COG5: variants seen among roughly 807,000 people sequenced by gnomAD.
COG5 encodes the protein conserved oligomeric Golgi complex subunit 5.
In COG5, 86 loss-of-function variants were observed where a neutral mutation model predicts 110.4. That is an observed-to-expected ratio of 0.78 (90% CI 0.65 to 0.93). The LOEUF (loss-of-function observed/expected upper bound fraction) is 0.93, where lower values mean the gene tolerates loss of function less well. COG5 is among the 40% of genes least tolerant of loss of function. The pLI is 0.00. For synonymous variants in COG5, 360 were observed against 334.6 expected, an observed-to-expected ratio of 1.08 and a Z score of -0.83; for missense variants, 1,077 against 987.0, an observed-to-expected ratio of 1.09 and a Z score of -1.22.
In COG5 at chr7:107,473,628, T is replaced by C. The variant is rs1796781682; in HGVS notation, c.538+53609A>G. On this transcript the variant is annotated intron_variant, in intron 6 of 21. Transcript: ENST00000297135. ...CACCTACACTCATTATGCTAGAGCA[T>C]ATTAAAATAGCATTCATTTGGTACC... Among the ~76,000 whole-genome samples the C allele has an allele frequency of 2.0e-5, 3 of 152,006 alleles. No individual in the cohort carries two copies. The South Asian group carries it at 6.2e-4, about 31-fold the overall frequency.
At chr7:107,323,392 G>A (rs2129026818) in intron 11 of COG5, among the ~76,000 whole-genome samples, 1 of 152,216 alleles carries the variant, frequency 6.6e-6, no homozygotes, top group African/African-American at 2.4e-5. Context: ...TTAGCCAGGA[G>A]TGGTGGTACA....
chr7:107,209,689 G>A, intron 21 of COG5: 1 of 417,932 alleles, frequency 2.4e-6, no homozygotes, highest in Non-Finnish European at 3.2e-6. Flanking sequence ...GTGGTGTAAT[G>A]CAAGCTCTGA....
chr7:107,239,603 T>C (rs181405772), intron 17 of COG5, among the ~76,000 whole-genome samples: 1 of 152,302 alleles, frequency 6.6e-6, no homozygotes, highest in East Asian at 1.9e-4. Flanking sequence ...TTTCCATTTA[T>C]TTGTGTTTTT....
chr7:107,254,174 A>C (rs1802717695), intron 16 of COG5, among the ~76,000 whole-genome samples: 1 of 152,166 alleles, frequency 6.6e-6, no homozygotes, highest in Non-Finnish European at 1.5e-5. Context: ...ATCTCAAGGT[A>C]GAGAAGAAAG....
At chr7:107,383,816 T>C (rs1269413057) in intron 7 of COG5, among the ~76,000 whole-genome samples, 1 of 152,124 alleles carries the variant, frequency 6.6e-6, no homozygotes, top group Non-Finnish European at 1.5e-5. Flanking sequence ...TCATCTGTCC[T>C]CTCTTCACTG....
chr7:107,469,628 C>T lies in COG5; in HGVS notation c.539-56996G>A, dbSNP rs536571334. Among the ~76,000 whole-genome samples, 6 of 152,166 alleles carry T rather than the reference C, an allele frequency of 3.9e-5. No individual in the cohort carries two copies. The East Asian group carries it at 7.7e-4, about 20-fold the overall frequency. On this transcript the variant is annotated intron_variant, in intron 6 of 21. Transcript: ENST00000297135. ...ACAAACTATTTAAAATTCACTGTGG[C>T]TCACAGTAAAGATGCAGTGGGTTTC...
chr7:107,415,811 T>C (rs115786826), intron 6 of COG5, among the ~76,000 whole-genome samples: 8,394 of 89,686 alleles, frequency 0.094, 737 homozygotes, highest in Non-Finnish European at 0.11. Context: ...TGTGTATATA[T>C]ACACACATAC....
At chr7:107,245,653 C>A (rs1464918805) in intron 17 of COG5, among the ~76,000 whole-genome samples, 1 of 152,034 alleles carries the variant, frequency 6.6e-6, no homozygotes. Context: ...ATACAGGTAA[C>A]CAGGGAGGTA....
chr7:107,414,864 A>G (rs981513771), intron 6 of COG5, among the ~76,000 whole-genome samples: 14 of 151,216 alleles, frequency 9.3e-5, no homozygotes, highest in Admixed American at 2.6e-4. Flanking sequence ...GGTAGCTGGG[A>G]CTACAAGTGC....
At chr7:107,550,173 C>T (rs1802786843) in intron 3 of COG5, among the ~76,000 whole-genome samples, 1 of 152,158 alleles carries the variant, frequency 6.6e-6, no homozygotes, top group Non-Finnish European at 1.5e-5. Context: ...CTAGGAATAA[C>T]TCACGGTGAC....
intron 6 of COG5, among the ~76,000 whole-genome samples, chr7:107,506,305 T>C (rs1342808158): frequency 6.6e-6 from 1 of 152,180 alleles, no homozygotes; most frequent in Non-Finnish European, 1.5e-5. Flanking sequence ...CCAGGGGCAG[T>C]GCTTTGGTTT....
Position 107,552,377 on chromosome 7 carries a change from T to C in COG5, c.292+1908A>G, listed in dbSNP as rs182067682. Among the ~76,000 whole-genome samples, 238 of 152,258 alleles carry C rather than the reference T, an allele frequency of 1.6e-3. 1 individual carries two copies. Among genetic ancestry groups the C allele is most frequent in the Non-Finnish European group, 2.6e-3 (175 of 68,008 alleles). ...AGAACGGGTGAAAATGTTTGCAAACTATGCATCTGACAAAGGTCTAATATC... is the reference window on the plus strand; with the variant it reads ...AGAACGGGTGAAAATGTTTGCAAACCATGCATCTGACAAAGGTCTAATATC... On this transcript the variant is annotated intron_variant, in intron 3 of 21. Transcript: ENST00000297135.
intron 6 of COG5, among the ~76,000 whole-genome samples, chr7:107,430,641 A>G (rs890547984): frequency 2.0e-5 from 3 of 152,188 alleles, no homozygotes; most frequent in Admixed American, 2.0e-4. Flanking sequence ...CAATATCTGC[A>G]GCAAACACCA....
At chr7:107,466,087 T>C (rs1169536331) in intron 6 of COG5, among the ~76,000 whole-genome samples, 2 of 151,984 alleles carry the variant, frequency 1.3e-5, no homozygotes, top group Non-Finnish European at 2.9e-5. Flanking sequence ...ATCAATGGGG[T>C]GATGGAGCAC....
chr7:107,376,772 T>C (rs1475002006), intron 7 of COG5, among the ~76,000 whole-genome samples: 4 of 152,050 alleles, frequency 2.6e-5, no homozygotes, highest in South Asian at 4.1e-4. Context: ...ACCATCGAGA[T>C]TTTTAGAAAT....
At chr7:107,314,482 G>A (rs548573023) in intron 11 of COG5, among the ~76,000 whole-genome samples, 6 of 151,228 alleles carry the variant, frequency 4.0e-5, no homozygotes, top group African/African-American at 9.7e-5. Flanking sequence ...AGCGGCTCAC[G>A]CCTGTAATCC....
chr7:107,498,546 G>T (rs1479122597), intron 6 of COG5, among the ~76,000 whole-genome samples: 1 of 152,082 alleles, frequency 6.6e-6, no homozygotes, highest in African/African-American at 2.4e-5. Context: ...CCAGTCATCA[G>T]AGTAATGCAA....
At chr7:107,457,694 T>G (rs1178682289) in intron 6 of COG5, among the ~76,000 whole-genome samples, 1 of 152,224 alleles carries the variant, frequency 6.6e-6, no homozygotes, top group East Asian at 1.9e-4. Flanking sequence ...CCTCCCAAAG[T>G]GCTGGGATTA....
chr7:107,463,909 C>T, intron 6 of COG5, among the ~76,000 whole-genome samples: 1 of 152,116 alleles, frequency 6.6e-6, no homozygotes, highest in East Asian at 1.9e-4. Flanking sequence ...GAACTCCACC[C>T]TGCAGTCCTC....
Sources: gnomAD v4.1 joint callset for allele counts (sites outside exome capture counted in the v4.1 genomes callset) on GRCh38, gnomAD v4.1.1 for gene constraint, MANE v1.5 for transcripts, NCBI Gene and HGNC (gene_info 2026-07-23, HGNC 2026-07-21) for gene names.